Variants in ZMAT4 observed in about 807,000 individuals in gnomAD.
ZMAT4 encodes the protein zinc finger matrin-type protein 4.
A neutral mutation model predicts 28.7 loss-of-function variants in ZMAT4; 17 were observed. That is an observed-to-expected ratio of 0.59 (90% confidence interval 0.41 to 0.89). ZMAT4 has a LOEUF of 0.89. Among genes scored for constraint, ZMAT4 ranks in the 40% least tolerant of loss-of-function variants. The pLI is 0.00. For missense variants in ZMAT4, 240 were observed against 283.8 expected (o/e 0.85, Z 1.11); for synonymous variants, 117 against 109.2 (o/e 1.07, Z -0.44).
chr8:40,734,227 T>G (rs4469439), intron 3 of ZMAT4, among the ~76,000 whole-genome samples: 35,640 of 152,012 alleles, frequency 0.23, 4,745 homozygotes, highest in East Asian at 0.56. Context: ...TCTCCAAATT[T>G]CAGGACATTT....
At chr8:40,535,759 AGTTTGAAGGTGG>A (rs1802826231) in intron 6 of ZMAT4, among the ~76,000 whole-genome samples, 1 of 152,138 alleles carries the variant, frequency 6.6e-6, no homozygotes, top group African/African-American at 2.4e-5. Flanking sequence ...TGACCATGTG[AGTTTGAAGGTGG>A]TAGCTAGAGA....
At chr8:40,793,111 G>A (rs1226798344) in intron 2 of ZMAT4, among the ~76,000 whole-genome samples, 1 of 152,118 alleles carries the variant, frequency 6.6e-6, no homozygotes, top group Non-Finnish European at 1.5e-5. Context: ...TGATAATGAT[G>A]TGTCCATGTG....
At chr8:40,842,246 C>A (rs1411741170) in intron 1 of ZMAT4, among the ~76,000 whole-genome samples, 1 of 152,176 alleles carries the variant, frequency 6.6e-6, no homozygotes, top group East Asian at 1.9e-4. Flanking sequence ...TGAGCTATAC[C>A]CTCCCATGGC....
At chr8:40,805,814 G>A (rs1586083469) in intron 2 of ZMAT4, among the ~76,000 whole-genome samples, 1 of 149,802 alleles carries the variant, frequency 6.7e-6, no homozygotes, top group Admixed American at 6.7e-5. Flanking sequence ...GGGGAGGGAT[G>A]GCATTGGGAG....
At chr8:40,877,125 G>A (rs1013181798) in intron 1 of ZMAT4, among the ~76,000 whole-genome samples, 5 of 152,142 alleles carry the variant, frequency 3.3e-5, no homozygotes, top group African/African-American at 4.8e-5. Context: ...TGACAGACAC[G>A]CATAGAGGGA....
intron 5 of ZMAT4, among the ~76,000 whole-genome samples, chr8:40,628,272 C>G (rs895583861): frequency 6.6e-6 from 1 of 152,080 alleles, no homozygotes; most frequent in African/African-American, 2.4e-5. Flanking sequence ...GAGATGAAGA[C>G]AGGAAAGCGT....
chr8:40,856,749 G>A (rs1056552685), intron 1 of ZMAT4, among the ~76,000 whole-genome samples: 2 of 152,160 alleles, frequency 1.3e-5, no homozygotes, highest in Admixed American at 1.3e-4. Context: ...GCATTCAGGG[G>A]CTGGAAGGGA....
intron 6 of ZMAT4, among the ~76,000 whole-genome samples, chr8:40,576,849 C>A (rs904715589): frequency 4.6e-5 from 7 of 152,070 alleles, no homozygotes; most frequent in African/African-American, 1.7e-4. Flanking sequence ...ACCATATGTT[C>A]CAGTAATTCC....
intron 6 of ZMAT4, among the ~76,000 whole-genome samples, chr8:40,543,196 T>C (rs1803098058): frequency 6.6e-6 from 1 of 152,118 alleles, no homozygotes; most frequent in South Asian, 2.1e-4. Flanking sequence ...TACTGAAAGC[T>C]GTCAGCACAT....
intron 5 of ZMAT4, among the ~76,000 whole-genome samples, chr8:40,647,789 C>A (rs1003549693): frequency 6.6e-6 from 1 of 152,144 alleles, no homozygotes; most frequent in African/African-American, 2.4e-5. Context: ...AGCAGCCTAA[C>A]TGGGAGGCAC....
At chr8:40,762,489 C>CA (rs2150557176) in intron 3 of ZMAT4, among the ~76,000 whole-genome samples, 1 of 151,916 alleles carries the variant, frequency 6.6e-6, no homozygotes, top group African/African-American at 2.4e-5. Context: ...CCCATCTCTA[C>CA]AAATTTTTTT....
At chr8:40,568,683 T>C (rs963993386) in intron 6 of ZMAT4, among the ~76,000 whole-genome samples, 13 of 152,190 alleles carry the variant, frequency 8.5e-5, no homozygotes, top group Non-Finnish European at 1.9e-4. Context: ...GTACTTTTTA[T>C]AACTATTACA....
intron 3 of ZMAT4, among the ~76,000 whole-genome samples, chr8:40,737,378 G>T (rs1811814167): frequency 6.6e-6 from 1 of 152,070 alleles, no homozygotes; most frequent in South Asian, 2.1e-4. Context: ...CTCTGGGTGG[G>T]TCAGAATTTG....
chr8:40,719,503 A>C (rs1394873949), intron 3 of ZMAT4, among the ~76,000 whole-genome samples: 1 of 152,180 alleles, frequency 6.6e-6, no homozygotes, highest in Non-Finnish European at 1.5e-5. Context: ...TAGAGAAAGC[A>C]GGGAGAAATA....
intron 6 of ZMAT4, among the ~76,000 whole-genome samples, chr8:40,555,547 G>A (rs1412726013): frequency 6.6e-6 from 1 of 152,116 alleles, no homozygotes; most frequent in African/African-American, 2.4e-5. Flanking sequence ...AACAGGAAGT[G>A]GAATTCCCAT....
At chr8:40,771,389 TA>T (rs899851010) in intron 2 of ZMAT4, among the ~76,000 whole-genome samples, 29 of 151,906 alleles carry the variant, frequency 1.9e-4, no homozygotes, top group African/African-American at 6.0e-4. Flanking sequence ...GACTGGTTTT[TA>T]TTTTTTATTT....
intron 6 of ZMAT4, 104 bp from the exon 7 acceptor site, chr8:40,532,342 C>T: frequency 1.1e-6 from 1 of 910,132 alleles, no homozygotes; most frequent in Non-Finnish European, 1.6e-6. Flanking sequence ...TCTCATATTA[C>T]CTTAACCATC....
rs554901057 is a variant in ZMAT4 at position 40,687,565 on chromosome 8, AT to A, written c.349+9679del. 6.1e-4 allele frequency among the ~76,000 whole-genome samples: 93 copies of A among 152,084 alleles called. No homozygotes were observed. In the South Asian group the frequency reaches 0.017, roughly 29 times the overall value. On this transcript the variant is annotated intron_variant, in intron 4 of 6. Transcript: ENST00000297737. Reference sequence around the variant, plus strand: ...CTATACCCTACACTCTGGATGAAACATTTTTTTTAAAGCACAATTTTTGAAT... The same window carrying A: ...CTATACCCTACACTCTGGATGAAACATTTTTTTAAAGCACAATTTTTGAAT...
Position 40,825,684 on chromosome 8 carries a change from C to T in ZMAT4, c.-4-4G>A, listed in dbSNP as rs1475159473. On this transcript the variant is annotated splice_region_variant and splice_polypyrimidine_tract_variant and intron_variant, in intron 1 of 6. Transcript: ENST00000297737. The stretch of plus-strand genomic sequence containing the variant: ...AATATCGGAGGACTTCATCAGGCTA[C>T]AAGAGAATCAACAGAAAAGAAAAAT... 1 of 1,550,098 alleles carries T rather than the reference C, an allele frequency of 6.5e-7. No individual in the cohort carries two copies. The highest frequency in any genetic ancestry group is 2.4e-5 in the East Asian group (1 of 41,238).
Sources: allele counts gnomAD v4.1 joint callset (sites outside exome capture counted in the v4.1 genomes callset), GRCh38; gene constraint gnomAD v4.1.1; transcripts MANE v1.5; gene names NCBI Gene and HGNC (gene_info 2026-07-23, HGNC 2026-07-21).